CNTNAP5: variants seen among roughly 807,000 people sequenced by gnomAD.
The protein encoded by CNTNAP5 is contactin associated protein family member 5, also known as contactin-associated protein-like 5.
In CNTNAP5, 72 loss-of-function variants were observed where a neutral mutation model predicts 150.2. The ratio of observed to expected loss-of-function variants is 0.48; its 90% CI spans 0.40 to 0.58. CNTNAP5 has a LOEUF of 0.58. Among genes scored for constraint, CNTNAP5 ranks in the 20% least tolerant of loss-of-function variants. The pLI is 0.00. For synonymous variants in CNTNAP5, 672 were observed against 619.8 expected, an observed-to-expected ratio of 1.08 and a Z score of -1.25; for missense variants, 1,636 against 1,626.2, an observed-to-expected ratio of 1.01 and a Z score of -0.10.
intron 22 of CNTNAP5, 46 bp from the exon 23 acceptor site, chr2:124,911,421 G>C: frequency 7.0e-7 from 1 of 1,435,336 alleles, no homozygotes; most frequent in East Asian, 2.4e-5. Context: ...CTTCTTGCCA[G>C]TGCTTTGAGT....
At position 124,834,809 on chromosome 2, in the gene CNTNAP5, A is replaced by ATG. The variant is rs57540422; in HGVS notation, c.3218-30497_3218-30496insTG. On this transcript the variant is annotated intron_variant, in intron 19 of 23. Coordinates refer to ENST00000682447, the MANE Select transcript of CNTNAP5 (RefSeq NM_001367498.1). ...TTTCACAGTATATATATATATATATACTTATCAAAGGAAGTTTAAAAACAA... is the reference window on the plus strand; with the variant it reads ...TTTCACAGTATATATATATATATATATGCTTATCAAAGGAAGTTTAAAAACAA... Among the ~76,000 whole-genome samples, 31 of 150,982 alleles carry ATG rather than the reference A, an allele frequency of 2.1e-4. No individual in the cohort carries two copies. In the South Asian group the frequency reaches 4.6e-3, roughly 23 times the overall value.
intron 7 of CNTNAP5, among the ~76,000 whole-genome samples, chr2:124,485,631 A>AAAAAAAAAAGAAGAAG (rs1457112306): frequency 5.1e-4 from 69 of 134,170 alleles, no homozygotes; most frequent in African/African-American, 1.6e-3. Flanking sequence ...AAAAAAAAAA[A>AAAAAAAAAAGAAGAAG]AAAGAAGAAG....
At chr2:124,798,951 C>T (rs1276438285) in intron 19 of CNTNAP5, among the ~76,000 whole-genome samples, 14 of 151,914 alleles carry the variant, frequency 9.2e-5, no homozygotes, top group Admixed American at 8.5e-4. Flanking sequence ...AATCAAAATG[C>T]TATCACTTCC....
chr2:124,383,138 C>A (rs1690842528), intron 3 of CNTNAP5, among the ~76,000 whole-genome samples: 1 of 152,154 alleles, frequency 6.6e-6, no homozygotes, highest in South Asian at 2.1e-4. Context: ...ATTTCCACAT[C>A]ACCTTTCTTG....
chr2:124,543,486 T>TA (rs1255898783), intron 10 of CNTNAP5, among the ~76,000 whole-genome samples: 1 of 152,128 alleles, frequency 6.6e-6, no homozygotes, highest in African/African-American at 2.4e-5. Flanking sequence ...TGAACGCTTG[T>TA]AAAGTTGGCG....
At chr2:124,604,449 A>G (rs1219364668) in intron 11 of CNTNAP5, among the ~76,000 whole-genome samples, 1 of 152,214 alleles carries the variant, frequency 6.6e-6, no homozygotes, top group East Asian at 1.9e-4. Context: ...TCATAATAAT[A>G]CTAAAAATAT....
At chr2:124,146,790 G>T (rs1684264633) in intron 1 of CNTNAP5, among the ~76,000 whole-genome samples, 1 of 152,062 alleles carries the variant, frequency 6.6e-6, no homozygotes, top group African/African-American at 2.4e-5. Context: ...CATTATTTGA[G>T]TAACAGAAAG....
intron 2 of CNTNAP5, among the ~76,000 whole-genome samples, chr2:124,231,616 C>T (rs535188099): frequency 6.6e-6 from 1 of 152,186 alleles, no homozygotes; most frequent in African/African-American, 2.4e-5. Flanking sequence ...AAAGAGAAAC[C>T]TATATATCTT....
chr2:124,069,422 C>G (rs996916426), intron 1 of CNTNAP5, among the ~76,000 whole-genome samples: 6 of 152,080 alleles, frequency 3.9e-5, no homozygotes, highest in Non-Finnish European at 8.8e-5. Flanking sequence ...AACTTGCCAC[C>G]CTGAATGGAA....
At chr2:124,215,726 A>G (rs559086793) in intron 1 of CNTNAP5, among the ~76,000 whole-genome samples, 1 of 145,852 alleles carries the variant, frequency 6.9e-6, no homozygotes, top group African/African-American at 2.8e-5. Flanking sequence ...AAAAAAAAAA[A>G]AAAAAAAGAA....
At chr2:124,598,960 C>T (rs1257234077) in intron 11 of CNTNAP5, among the ~76,000 whole-genome samples, 1 of 152,206 alleles carries the variant, frequency 6.6e-6, no homozygotes, top group African/African-American at 2.4e-5. Context: ...TCCCTGACCC[C>T]TTGCGCTTCC....
chr2:124,545,202 C>T (rs888993254), intron 10 of CNTNAP5, among the ~76,000 whole-genome samples: 3 of 151,992 alleles, frequency 2.0e-5, no homozygotes, highest in African/African-American at 7.2e-5. Flanking sequence ...ATAAGAGAGT[C>T]TTCACTTTTA....
At chr2:124,193,327 A>G (rs1429499242) in intron 1 of CNTNAP5, among the ~76,000 whole-genome samples, 2 of 152,180 alleles carry the variant, frequency 1.3e-5, no homozygotes, top group African/African-American at 4.8e-5. Flanking sequence ...CCCATAACCT[A>G]TAGTTGACTT....
intron 1 of CNTNAP5, among the ~76,000 whole-genome samples, chr2:124,216,672 G>A (rs955204354): frequency 6.6e-6 from 1 of 152,106 alleles, no homozygotes; most frequent in Non-Finnish European, 1.5e-5. Context: ...AATTTGCTGA[G>A]AATGATAGTT....
At chr2:124,159,294 A>G (rs1355127710) in intron 1 of CNTNAP5, among the ~76,000 whole-genome samples, 3 of 152,186 alleles carry the variant, frequency 2.0e-5, no homozygotes. Flanking sequence ...GGAATCTGCA[A>G]ACTTTTTCTG....
intron 1 of CNTNAP5, among the ~76,000 whole-genome samples, chr2:124,032,664 T>G (rs754121075): frequency 6.6e-6 from 1 of 152,176 alleles, no homozygotes. Context: ...ATTTGTATTC[T>G]GCATAATGTA....
At chr2:124,622,564 C>T (rs558066616) in intron 12 of CNTNAP5, among the ~76,000 whole-genome samples, 6 of 152,006 alleles carry the variant, frequency 3.9e-5, no homozygotes, top group South Asian at 2.1e-4. Flanking sequence ...CCACAATGGG[C>T]GAACTAATTT....
At position 124,757,975 on chromosome 2, in the gene CNTNAP5, A is replaced by G. The variant is rs74656226; in HGVS notation, c.2235-5697A>G. Among the ~76,000 whole-genome samples the G allele has an allele frequency of 1.5e-4, 23 of 152,326 alleles. No homozygotes were observed. In the East Asian group the frequency reaches 4.1e-3, roughly 27 times the overall value. On this transcript the variant is annotated intron_variant, in intron 14 of 23. Coordinates refer to ENST00000682447, the MANE Select transcript of CNTNAP5 (RefSeq NM_001367498.1). ...GACCTCTTAAAAGGTTTTAAGCAAT[A>G]AAGTATGAATCATGGTACATATTAT...
rs535658757 is a variant in CNTNAP5 at position 124,843,669 on chromosome 2, C to G, written c.3218-21637C>G. Reference sequence around the variant, plus strand: ...CTGTTCACTGCATCCATGCTAACAGCTATAATTTTTTGATGTTTTGATTAT... The same window carrying G: ...CTGTTCACTGCATCCATGCTAACAGGTATAATTTTTTGATGTTTTGATTAT... On this transcript the variant is annotated intron_variant, in intron 19 of 23. Coordinates refer to ENST00000682447, the MANE Select transcript of CNTNAP5 (RefSeq NM_001367498.1). 2.0e-5 allele frequency among the ~76,000 whole-genome samples: 3 copies of G among 152,110 alleles called. No homozygotes were observed. The East Asian group carries it at 5.8e-4, about 29-fold the overall frequency.
Sources: gnomAD v4.1 joint callset for allele counts (sites outside exome capture counted in the v4.1 genomes callset) on GRCh38, gnomAD v4.1.1 for gene constraint, MANE v1.5 for transcripts, NCBI Gene and HGNC (gene_info 2026-07-23, HGNC 2026-07-21) for gene names.